Variants in NUBPL observed in about 807,000 individuals in gnomAD.
NUBPL encodes iron-sulfur cluster transfer protein NUBPL.
Under a neutral mutation model 45.7 loss-of-function variants are expected in NUBPL, and 31 were observed. The observed-to-expected ratio is 0.68, with a 90% CI of 0.51 to 0.92. NUBPL has a LOEUF of 0.92. Among genes scored for constraint, NUBPL ranks in the 40% least tolerant of loss-of-function variants. NUBPL has a pLI of 0.00. For synonymous variants in NUBPL, 144 were observed against 140.9 expected (o/e 1.02, Z -0.15); for missense variants, 401 against 398.7 (o/e 1.01, Z -0.05).
intron 6 of NUBPL, among the ~76,000 whole-genome samples, chr14:31,782,641 A>G (rs774413897): frequency 1.9e-4 from 29 of 151,724 alleles, no homozygotes; most frequent in Non-Finnish European, 3.7e-4. Context: ...AAATAGAAAA[A>G]CATTAGCCAA....
chr14:31,849,513 G>A (rs1411756358), intron 9 of NUBPL, among the ~76,000 whole-genome samples: 1 of 151,972 alleles, frequency 6.6e-6, no homozygotes, highest in African/African-American at 2.4e-5. Flanking sequence ...TATTTTGGAG[G>A]TTCTTATCAT....
chr14:31,733,331 T>G (rs908860410), intron 6 of NUBPL, among the ~76,000 whole-genome samples: 3 of 152,176 alleles, frequency 2.0e-5, no homozygotes, highest in Non-Finnish European at 4.4e-5. Flanking sequence ...TTGGGCATTT[T>G]AGATCATGTA....
chr14:31,661,556 C>G (rs979741237), intron 4 of NUBPL, among the ~76,000 whole-genome samples: 5 of 152,032 alleles, frequency 3.3e-5, no homozygotes, highest in African/African-American at 1.2e-4. Flanking sequence ...TTTTGTTTTT[C>G]TCCGAGACGG....
At chr14:31,676,217 T>C (rs941126546) in intron 6 of NUBPL, among the ~76,000 whole-genome samples, 10 of 152,100 alleles carry the variant, frequency 6.6e-5, no homozygotes, top group Non-Finnish European at 1.3e-4. Flanking sequence ...GGGACGGGGT[T>C]TCTCCATGTT....
chr14:31,582,229 A>G (rs557104260), intron 3 of NUBPL, among the ~76,000 whole-genome samples: 1 of 152,144 alleles, frequency 6.6e-6, no homozygotes, highest in African/African-American at 2.4e-5. Context: ...AGGATTAATT[A>G]TGTAAAAATT....
At chr14:31,815,732 G>A (rs547556892) in intron 7 of NUBPL, among the ~76,000 whole-genome samples, 9 of 151,972 alleles carry the variant, frequency 5.9e-5, no homozygotes, top group Admixed American at 2.6e-4. Context: ...TTTATTGAGC[G>A]TTTTTAGCAT....
chr14:31,800,891 G>T (rs1057283125), intron 7 of NUBPL: 1 of 152,162 alleles, frequency 6.6e-6, no homozygotes, highest in African/African-American at 2.4e-5. Flanking sequence ...CAGAGTCCTA[G>T]CAGGAAACAG....
intron 3 of NUBPL, among the ~76,000 whole-genome samples, chr14:31,593,235 C>G (rs1016746686): frequency 1.3e-5 from 2 of 151,970 alleles, no homozygotes; most frequent in African/African-American, 4.8e-5. Context: ...GAGGATTGGC[C>G]GGGAGCGGTG....
intron 6 of NUBPL, among the ~76,000 whole-genome samples, chr14:31,717,342 G>A (rs958332877): frequency 1.3e-5 from 2 of 152,126 alleles, no homozygotes; most frequent in African/African-American, 2.4e-5. Context: ...GGAAAGCCTT[G>A]TGTGGTAACC....
chr14:31,707,477 G>A (rs8015946), intron 6 of NUBPL, among the ~76,000 whole-genome samples: 36,042 of 151,674 alleles, frequency 0.24, 8,792 homozygotes, highest in African/African-American at 0.63. Context: ...TCCTCTCTTT[G>A]TACTTCTTTC....
chr14:31,705,118 G>A (rs997456574), intron 6 of NUBPL, among the ~76,000 whole-genome samples: 7 of 152,052 alleles, frequency 4.6e-5, no homozygotes, highest in Non-Finnish European at 8.8e-5. Context: ...AGACCTTTGT[G>A]GTGAGTGTTA....
chr14:31,634,638 G>C (rs1483342167), intron 4 of NUBPL, among the ~76,000 whole-genome samples: 2 of 152,060 alleles, frequency 1.3e-5, no homozygotes, highest in East Asian at 3.9e-4. Flanking sequence ...GGTATTTCTA[G>C]TTCTAGATCC....
chr14:31,705,772 T>C (rs1382384320), intron 6 of NUBPL, among the ~76,000 whole-genome samples: 3 of 152,176 alleles, frequency 2.0e-5, no homozygotes, highest in Non-Finnish European at 2.9e-5. Context: ...CCCAGACGGC[T>C]TCACCTCTCA....
intron 4 of NUBPL, among the ~76,000 whole-genome samples, chr14:31,660,649 C>A (rs755041788): frequency 6.6e-6 from 1 of 152,070 alleles, no homozygotes; most frequent in Non-Finnish European, 1.5e-5. Flanking sequence ...CTTGATTATA[C>A]TCTCTGTCCC....
chr14:31,676,543 A>G (rs1465322578), intron 6 of NUBPL, among the ~76,000 whole-genome samples: 1 of 151,944 alleles, frequency 6.6e-6, no homozygotes, highest in Non-Finnish European at 1.5e-5. Flanking sequence ...ACAGTTGTTC[A>G]GAAGTTTTCC....
chr14:31,594,362 C>G (rs1453594840), intron 3 of NUBPL, among the ~76,000 whole-genome samples: 1 of 152,118 alleles, frequency 6.6e-6, no homozygotes, highest in Non-Finnish European at 1.5e-5. Context: ...GGTCAAGGCC[C>G]CTATTGCCCT....
intron 6 of NUBPL, among the ~76,000 whole-genome samples, chr14:31,675,748 TTTTC>T (rs1170694469): frequency 6.6e-6 from 1 of 152,348 alleles, no homozygotes; most frequent in East Asian, 1.9e-4. Context: ...TGTTTTGTTT[TTTTC>T]TTTTTCTCCC....
chr14:31,699,837 A>G (rs1024888772), intron 6 of NUBPL, among the ~76,000 whole-genome samples: 1 of 152,230 alleles, frequency 6.6e-6, no homozygotes, highest in Non-Finnish European at 1.5e-5. Context: ...GGCAATGAGA[A>G]GTTTGATACT....
intron 4 of NUBPL, among the ~76,000 whole-genome samples, chr14:31,622,413 G>A (rs1028183257): frequency 3.3e-5 from 5 of 152,148 alleles, no homozygotes; most frequent in African/African-American, 4.8e-5. Context: ...ATTTGCGCAA[G>A]TAATGAGGAG....
Sources: allele counts gnomAD v4.1 joint callset (sites outside exome capture counted in the v4.1 genomes callset), GRCh38; gene constraint gnomAD v4.1.1; transcripts MANE v1.5; gene names NCBI Gene and HGNC (gene_info 2026-07-23, HGNC 2026-07-21).